PAK6: variants seen among roughly 807,000 people sequenced by gnomAD.
PAK6 encodes serine/threonine-protein kinase PAK 6.
In PAK6, 33 loss-of-function variants were observed where a neutral mutation model predicts 60.8. The observed-to-expected ratio is 0.54, with a 90% CI of 0.41 to 0.73. The LOEUF (loss-of-function observed/expected upper bound fraction) is 0.73. Ranked by LOEUF, PAK6 falls within the 30% of genes least tolerant of loss-of-function variation. The pLI is 0.00. For synonymous variants in PAK6, 404 were observed against 378.5 expected (o/e 1.07, Z -0.78); for missense variants, 845 against 904.1 (o/e 0.93, Z 0.84).
At chr15:40,253,773 T>G (rs1304458910) in intron 3 of PAK6, among the ~76,000 whole-genome samples, 1 of 152,202 alleles carries the variant, frequency 6.6e-6, no homozygotes, top group Non-Finnish European at 1.5e-5. Context: ...TCTCCAGACC[T>G]GCTCAGGTGG....
chr15:40,261,131 G>A (rs935413722), intron 3 of PAK6, among the ~76,000 whole-genome samples: 3 of 151,922 alleles, frequency 2.0e-5, no homozygotes, highest in Admixed American at 2.0e-4. Context: ...CTCGTGATTC[G>A]CCCACCTCGG....
intron 3 of PAK6, among the ~76,000 whole-genome samples, chr15:40,253,707 G>A (rs1465887434): frequency 6.6e-6 from 1 of 152,192 alleles, no homozygotes; most frequent in Non-Finnish European, 1.5e-5. Context: ...ACTCCCGCAG[G>A]AGTTACAGGT....
chr15:40,258,395 T>C (rs568253589), intron 3 of PAK6: 2 of 152,380 alleles, frequency 1.3e-5, no homozygotes, highest in East Asian at 3.9e-4. Flanking sequence ...AACTCAGTCA[T>C]TTCCTGGTTC....
intron 5 of PAK6, 98 bp from the exon 6 acceptor site, chr15:40,272,126 C>T: frequency 7.4e-7 from 1 of 1,357,550 alleles, no homozygotes; most frequent in Non-Finnish European, 1.0e-6. Context: ...CCTGACCCTG[C>T]CAGAGTCCAG....
At chr15:40,273,433 C>T (rs759086358) in exon 8 of PAK6, 1 of 1,613,980 alleles carries the variant, frequency 6.2e-7, no homozygotes, top group Non-Finnish European at 8.5e-7. Flanking sequence ...TCCACCGGGA[C>T]ATCAAGAGTG....
At chr15:40,266,198 T>C in exon 5 of PAK6, 1 of 1,609,496 alleles carries the variant, frequency 6.2e-7, no homozygotes, top group African/African-American at 1.3e-5. Context: ...AGTTTCAGGG[T>C]GCCTCGCAGC....
At chr15:40,264,435 G>C (rs745796287) in intron 3 of PAK6, 2 of 477,122 alleles carry the variant, frequency 4.2e-6, no homozygotes, top group Admixed American at 2.3e-5. Context: ...TTTAAAATTC[G>C]TTGACAGACA....
At chr15:40,250,478 A>G (rs2038633056) in intron 2 of PAK6, among the ~76,000 whole-genome samples, 1 of 151,958 alleles carries the variant, frequency 6.6e-6, no homozygotes, top group Non-Finnish European at 1.5e-5. Context: ...GGGACTCATT[A>G]CCTCCTTGGT....
In PAK6 at chr15:40,266,203, C is replaced by T. The variant is rs1378608525; in HGVS notation, c.566C>T (p.Ser189Leu). 9.9e-6 allele frequency: 16 copies of T among 1,609,514 alleles called. No homozygotes were observed. Among genetic ancestry groups the T allele is most frequent in the South Asian group, 2.2e-5 (2 of 91,054 alleles). Reference sequence around the variant, plus strand: ...GGCCCCGCCGAGTTTCAGGGTGCCTCGCAGCGCTGTCTGCAGCTGGGTGCC... The same window carrying T: ...GGCCCCGCCGAGTTTCAGGGTGCCTTGCAGCGCTGTCTGCAGCTGGGTGCC... Residue 189 changes from serine (S) to leucine (L), a missense_variant, in exon 5 of 11, where the codon TCG becomes TTG. Transcript: ENST00000560346.
exon 8 of PAK6, chr15:40,273,417 G>T: frequency 6.2e-7 from 1 of 1,613,944 alleles, no homozygotes; most frequent in Non-Finnish European, 8.5e-7. Flanking sequence ...CATGCTCAGG[G>T]TGTCATCCAC....
intron 3 of PAK6, among the ~76,000 whole-genome samples, chr15:40,261,424 C>A (rs1430951447): frequency 6.6e-6 from 1 of 151,946 alleles, no homozygotes; most frequent in Non-Finnish European, 1.5e-5. Context: ...GTAGTCCCAG[C>A]TACTCAGTAG....
chr15:40,264,516 G>C, intron 3 of PAK6: 1 of 588,320 alleles, frequency 1.7e-6, no homozygotes, highest in South Asian at 1.6e-5. Flanking sequence ...GCTCCATAGG[G>C]GACTTGGCAC....
intron 9 of PAK6, 33 bp downstream of exon 9, chr15:40,273,709 A>G: frequency 6.2e-7 from 1 of 1,604,568 alleles, no homozygotes; most frequent in Non-Finnish European, 8.5e-7. Flanking sequence ...AGACCTCCCA[A>G]AAGCAACTTG....
intron 10 of PAK6, among the ~76,000 whole-genome samples, chr15:40,275,280 G>GTTTTCTTTTTTTTTTTTTTTTTTT (rs1448905930): frequency 7.1e-5 from 4 of 56,484 alleles, no homozygotes; most frequent in Admixed American, 2.8e-4. Context: ...GTTGTTGTTG[G>GTTTTCTTTTTTTTTTTTTTTTTTT]TTTTTTTTTT....
intron 5 of PAK6, among the ~76,000 whole-genome samples, chr15:40,268,273 C>T (rs1057301601): frequency 3.9e-5 from 6 of 152,184 alleles, no homozygotes; most frequent in African/African-American, 7.2e-5. Context: ...GGCTTCTCAG[C>T]GTCCTCACTG....
Position 40,240,699 on chromosome 15 carries a change from G to A in PAK6, c.-118+18G>A, listed in dbSNP as rs1320585199. ...CAGCCACGGTAAGGTCCCCACTGCCGCTGCGTGCTCCGGATTCCTGGGCTA... is the reference window on the plus strand; with the variant it reads ...CAGCCACGGTAAGGTCCCCACTGCCACTGCGTGCTCCGGATTCCTGGGCTA... On this transcript the variant is annotated intron_variant, in intron 2 of 10. Transcript: ENST00000560346. 8 of 439,378 alleles carry A rather than the reference G, an allele frequency of 1.8e-5. No homozygotes were observed. Among genetic ancestry groups the A allele is most frequent in the Non-Finnish European group, 2.7e-5 (6 of 221,068 alleles). 27.2% of individuals were successfully genotyped at this position (439,378 alleles called of 1,614,324 possible). A position where few individuals can be genotyped will look rare whatever the true frequency, so the allele number is the denominator to read the frequency against.
chr15:40,269,812 C>T (rs1261964671), intron 5 of PAK6, among the ~76,000 whole-genome samples: 1 of 152,202 alleles, frequency 6.6e-6, no homozygotes, highest in South Asian at 2.1e-4. Context: ...CCAGCCAGCA[C>T]CTGCAGCAGC....
At chr15:40,276,777 TG>T (rs1566860778) in exon 11 of PAK6, 3 of 153,006 alleles carry the variant, frequency 2.0e-5, no homozygotes, top group Non-Finnish European at 4.3e-5. Flanking sequence ...TGTGTGTGTG[TG>T]TGTGTGTGTG....
chr15:40,267,999 A>G (rs1346615710), intron 5 of PAK6, among the ~76,000 whole-genome samples: 1 of 152,176 alleles, frequency 6.6e-6, no homozygotes, highest in Non-Finnish European at 1.5e-5. Context: ...GGCTCCTGCC[A>G]GCACCCCACA....
Sources: gnomAD v4.1 joint callset for allele counts (sites outside exome capture counted in the v4.1 genomes callset) on GRCh38, gnomAD v4.1.1 for gene constraint, MANE v1.5 for transcripts, NCBI Gene and HGNC (gene_info 2026-07-23, HGNC 2026-07-21) for gene names.